RGSL1: variants seen among roughly 807,000 people sequenced by gnomAD.
RGSL1 encodes the protein regulator of G protein signaling like 1.
In RGSL1, 97 loss-of-function variants were observed where a neutral mutation model predicts 124.7. The ratio of observed to expected loss-of-function variants is 0.78; its 90% CI spans 0.66 to 0.92. The LOEUF (loss-of-function observed/expected upper bound fraction) is 0.92. Ranked by LOEUF, RGSL1 falls within the 40% of genes least tolerant of loss-of-function variation. The pLI, the probability that RGSL1 is intolerant of heterozygous loss-of-function variation, is 0.00. For synonymous variants in RGSL1, 424 were observed against 438.1 expected, an observed-to-expected ratio of 0.97 and a Z score of 0.40; for missense variants, 1,233 against 1,288.4, an observed-to-expected ratio of 0.96 and a Z score of 0.66.
chr1:182,537,782 G>A (rs975419787), intron 14 of RGSL1, among the ~76,000 whole-genome samples: 5 of 152,048 alleles, frequency 3.3e-5, no homozygotes, highest in East Asian at 1.9e-4. Flanking sequence ...ACCAAGGACC[G>A]TTCTTTAATG....
In RGSL1 at chr1:182,526,937, A is replaced by G. The variant is rs531347166; in HGVS notation, c.1932-642A>G. On this transcript the variant is annotated intron_variant, in intron 10 of 21. Coordinates refer to ENST00000294854, the MANE Select transcript of RGSL1 (RefSeq NM_001137669.2). The stretch of plus-strand genomic sequence containing the variant: ...AGAAGAAGTAGGTCAAGATGTGGGT[A>G]TTTGTAAAGAGGTTTAACTAATAAC... Among the ~76,000 whole-genome samples the G allele has an allele frequency of 2.6e-5, 4 of 152,336 alleles. No individual in the cohort carries two copies. The East Asian group carries it at 7.7e-4, about 29-fold the overall frequency.
chr1:182,532,845 G>A, intron 14 of RGSL1, 54 bp downstream of exon 14: 2 of 1,514,550 alleles, frequency 1.3e-6, no homozygotes, highest in Non-Finnish European at 8.9e-7. Context: ...AGCCATGAGG[G>A]TCAGCCCACA....
chr1:182,459,980 G>A, intron 3 of RGSL1, 24 bp from the exon 4 acceptor site: 1 of 1,542,816 alleles, frequency 6.5e-7, no homozygotes. Flanking sequence ...TAGCATTTTT[G>A]TTTCTATTTT....
chr1:182,482,156 G>A (rs1425932631), intron 6 of RGSL1, among the ~76,000 whole-genome samples: 1 of 152,102 alleles, frequency 6.6e-6, no homozygotes, highest in Non-Finnish European at 1.5e-5. Context: ...CTCAACAGAT[G>A]CAGAAAAATT....
chr1:182,519,104 C>T lies in RGSL1; in HGVS notation c.1826-2900C>T, dbSNP rs892893362. Among the ~76,000 whole-genome samples the T allele has an allele frequency of 2.6e-5, 4 of 151,898 alleles. No individual in the cohort carries two copies. In the East Asian group the frequency reaches 5.8e-4, roughly 22 times the overall value. ...TACCATATAGATTTCCAAATGCATCCCTGACATATTAAAGTTTGATGTAAA... is the reference window on the plus strand; with the variant it reads ...TACCATATAGATTTCCAAATGCATCTCTGACATATTAAAGTTTGATGTAAA... On this transcript the variant is annotated intron_variant, in intron 9 of 21. Coordinates refer to ENST00000294854, the MANE Select transcript of RGSL1 (RefSeq NM_001137669.2).
chr1:182,481,796 A>G (rs1654728260), intron 6 of RGSL1, among the ~76,000 whole-genome samples: 2 of 152,270 alleles, frequency 1.3e-5, no homozygotes, highest in African/African-American at 2.4e-5. Flanking sequence ...CCTAGGCAAC[A>G]TGACAAAACT....
Position 182,551,335 on chromosome 1 carries a change from T to A in RGSL1, c.3043+126T>A, listed in dbSNP as rs539526762. 9.7e-6 allele frequency: 7 copies of A among 718,258 alleles called. No individual in the cohort carries two copies. The South Asian group carries it at 1.3e-4, about 13-fold the overall frequency. 44.5% of individuals were successfully genotyped at this position (718,258 alleles called of 1,614,324 possible). On this transcript the variant is annotated intron_variant, in intron 18 of 21. Coordinates refer to ENST00000294854, the MANE Select transcript of RGSL1 (RefSeq NM_001137669.2). ...GTTTGCTGGAGCCGGGACAGCTCATTTACTTGGCCCTCAGGGAGACAGAGC... is the reference window on the plus strand; with the variant it reads ...GTTTGCTGGAGCCGGGACAGCTCATATACTTGGCCCTCAGGGAGACAGAGC...
intron 6 of RGSL1, among the ~76,000 whole-genome samples, chr1:182,480,619 C>G (rs1654632835): frequency 6.6e-6 from 1 of 152,052 alleles, no homozygotes; most frequent in Non-Finnish European, 1.5e-5. Flanking sequence ...CCATGCCCAC[C>G]TAATTTTTGC....
Position 182,532,734 on chromosome 1 carries a change from A to G in RGSL1, c.2437A>G (p.Ser813Gly). 6.4e-7 allele frequency: 1 copy of G among 1,551,062 alleles called. No homozygotes were observed. The highest frequency in any genetic ancestry group is 8.7e-7 in the Non-Finnish European group (1 of 1,146,492). Residue 813 changes from serine to glycine, a missense_variant, in exon 14 of 22, where the codon AGT becomes GGT. Coordinates refer to ENST00000294854, the MANE Select transcript of RGSL1 (RefSeq NM_001137669.2). Reference sequence around the variant, plus strand: ...GTACCGCAGATTTATGTTGAATCCTAGTAAGCGCCAGGAATTTGAAGACTA... The same window carrying G: ...GTACCGCAGATTTATGTTGAATCCTGGTAAGCGCCAGGAATTTGAAGACTA... ...CKYRRFMLNP[S>G]KRQEFEDYLH... is the part of the protein sequence containing the mutation.
At chr1:182,491,511 G>A (rs1009308810) in intron 8 of RGSL1, among the ~76,000 whole-genome samples, 4 of 152,076 alleles carry the variant, frequency 2.6e-5, no homozygotes, top group African/African-American at 7.2e-5. Flanking sequence ...CACCACACCC[G>A]ACCACTATCA....
At chr1:182,513,532 C>G (rs1273898683) in intron 9 of RGSL1, among the ~76,000 whole-genome samples, 1 of 152,228 alleles carries the variant, frequency 6.6e-6, no homozygotes, top group East Asian at 1.9e-4. Flanking sequence ...TGTATGGGAG[C>G]AGTTAAACTT....
In RGSL1 at chr1:182,460,158, GTC is replaced by G. The variant is rs772217871; in HGVS notation, c.301+27_301+28del. ...GGTAAGCATTGGTGTGCATGCGTGT[GTC>G]TGTGTGTGTGTGTGTGTGTGTGTGT... On this transcript the variant is annotated intron_variant, in intron 4 of 21. Coordinates refer to ENST00000294854, the MANE Select transcript of RGSL1 (RefSeq NM_001137669.2). 6.6e-5 allele frequency: 98 copies of G among 1,491,352 alleles called. No homozygotes were observed. The African/African-American group carries it at 1.7e-3, about 27-fold the overall frequency. 92.4% of individuals were successfully genotyped at this position (1,491,352 alleles called of 1,614,324 possible). A position where few individuals can be genotyped will look rare whatever the true frequency, so the allele number is the denominator to read the frequency against.
intron 5 of RGSL1, 58 bp from the exon 6 acceptor site, chr1:182,473,517 C>T: frequency 8.9e-6 from 13 of 1,460,576 alleles, no homozygotes; most frequent in Non-Finnish European, 1.2e-5. Flanking sequence ...TCTCCAACAC[C>T]ATCATCACTG....
chr1:182,451,131 G>C (rs1022480319), intron 1 of RGSL1, among the ~76,000 whole-genome samples: 2 of 129,374 alleles, frequency 1.5e-5, no homozygotes, highest in African/African-American at 5.9e-5. Context: ...GGGTGACGGA[G>C]TGAGACTTTG....
intron 9 of RGSL1, among the ~76,000 whole-genome samples, chr1:182,505,069 C>T (rs947515208): frequency 6.6e-5 from 10 of 152,132 alleles, no homozygotes; most frequent in Non-Finnish European, 1.2e-4. Context: ...CATCTTTTCC[C>T]AGCTTTTTGG....
chr1:182,483,721 T>C (rs941916809), intron 6 of RGSL1, among the ~76,000 whole-genome samples: 5 of 152,160 alleles, frequency 3.3e-5, no homozygotes, highest in African/African-American at 1.2e-4. Context: ...AGCAGTTTAT[T>C]GTACAGATTA....
chr1:182,541,484 GC>G (rs1659887612), intron 15 of RGSL1, among the ~76,000 whole-genome samples: 1 of 152,082 alleles, frequency 6.6e-6, no homozygotes, highest in Non-Finnish European at 1.5e-5. Flanking sequence ...CCACTGATGG[GC>G]ACTTAGGTTG....
chr1:182,496,184 C>T (rs1050000622), intron 9 of RGSL1, among the ~76,000 whole-genome samples: 4 of 151,972 alleles, frequency 2.6e-5, no homozygotes, highest in Admixed American at 2.0e-4. Flanking sequence ...AAGGAAGAAA[C>T]GGGGAGGTGC....
intron 5 of RGSL1, 129 bp from the exon 6 acceptor site, chr1:182,473,446 G>C (rs749144878): frequency 1.8e-5 from 19 of 1,048,852 alleles, no homozygotes; most frequent in Non-Finnish European, 2.5e-5. Context: ...TCATACTCCA[G>C]GATTATATGA....
Sources: allele counts gnomAD v4.1 joint callset (sites outside exome capture counted in the v4.1 genomes callset), GRCh38; gene constraint gnomAD v4.1.1; transcripts MANE v1.5; gene names NCBI Gene and HGNC (gene_info 2026-07-23, HGNC 2026-07-21).